The following CUX1 variants were observed in gnomAD, a reference collection of about 807,000 sequenced individuals.
CUX1 encodes protein CASP.
A neutral mutation model predicts 158.8 loss-of-function variants in CUX1; 31 were observed. That is an observed-to-expected ratio of 0.20 (90% confidence interval 0.15 to 0.26). The LOEUF is 0.26. Ranked by LOEUF, CUX1 falls within the 10% of genes least tolerant of loss-of-function variation. CUX1 has a pLI of 1.00. For missense variants in CUX1, 1,589 were observed against 2,014.6 expected (o/e 0.79, Z 4.04); for synonymous variants, 879 against 862.1 (o/e 1.02, Z -0.34).
At chr7:102,232,625 A>C (rs1298031326) in intron 21 of CUX1, among the ~76,000 whole-genome samples, 1 of 152,092 alleles carries the variant, frequency 6.6e-6, no homozygotes, top group Non-Finnish European at 1.5e-5. Context: ...CCAGGTTATC[A>C]CTGATCCTAA....
intron 2 of CUX1, among the ~76,000 whole-genome samples, chr7:101,986,621 C>T (rs1814335265): frequency 6.6e-6 from 1 of 152,184 alleles, no homozygotes; most frequent in Non-Finnish European, 1.5e-5. Flanking sequence ...GAGCCCTTTT[C>T]CCGTGGGCTC....
chr7:102,023,605 C>T (rs1229447562), intron 2 of CUX1, among the ~76,000 whole-genome samples: 3 of 152,176 alleles, frequency 2.0e-5, no homozygotes, highest in Non-Finnish European at 4.4e-5. Context: ...GGACTATAGG[C>T]GTGAGCCGCC....
At chr7:101,953,666 CA>C (rs557352117) in intron 2 of CUX1, among the ~76,000 whole-genome samples, 99 of 152,282 alleles carry the variant, frequency 6.5e-4, no homozygotes, top group Non-Finnish European at 1.2e-3. Flanking sequence ...TGCTTTACCT[CA>C]CGTACCAAAT....
chr7:101,905,473 G>A (rs532156947), intron 1 of CUX1, among the ~76,000 whole-genome samples: 12 of 152,300 alleles, frequency 7.9e-5, no homozygotes, highest in African/African-American at 2.6e-4. Context: ...CTGTTCACCC[G>A]ACAGGCAGTG....
At chr7:102,213,164 G>C (rs1554523620) in intron 20 of CUX1, among the ~76,000 whole-genome samples, 1 of 152,216 alleles carries the variant, frequency 6.6e-6, no homozygotes, top group African/African-American at 2.4e-5. Flanking sequence ...TTTTAAAACA[G>C]AATCTAGTCG....
At chr7:102,191,716 T>G (rs1794296447) in intron 12 of CUX1, among the ~76,000 whole-genome samples, 2 of 151,862 alleles carry the variant, frequency 1.3e-5, no homozygotes, top group East Asian at 1.9e-4. Flanking sequence ...CTTCGTTGTC[T>G]TCTTCTTTCT....
chr7:102,112,577 G>GT (rs113087575), intron 7 of CUX1, among the ~76,000 whole-genome samples: 35 of 146,166 alleles, frequency 2.4e-4, no homozygotes, highest in Middle Eastern at 3.6e-3. Flanking sequence ...TTTTGTTTTT[G>GT]TTTTTTTTTT....
At chr7:101,979,716 G>A (rs1301144614) in intron 2 of CUX1, among the ~76,000 whole-genome samples, 1 of 151,962 alleles carries the variant, frequency 6.6e-6, no homozygotes, top group Non-Finnish European at 1.5e-5. Flanking sequence ...GTAGCACAAT[G>A]TCGGTTCACT....
intron 2 of CUX1, among the ~76,000 whole-genome samples, chr7:101,947,217 G>A (rs1259595275): frequency 6.6e-6 from 1 of 152,046 alleles, no homozygotes; most frequent in Non-Finnish European, 1.5e-5. Context: ...TAGTGAGTGA[G>A]ACCCTGTCTT....
intron 3 of CUX1, among the ~76,000 whole-genome samples, chr7:102,042,355 T>TA (rs1330720615): frequency 6.6e-6 from 1 of 152,212 alleles, no homozygotes; most frequent in Admixed American, 6.5e-5. Flanking sequence ...CATGCACTGC[T>TA]AGTTGTAGGA....
At chr7:101,858,683 T>TTTTTA (rs1314057796) in intron 1 of CUX1, among the ~76,000 whole-genome samples, 1 of 147,124 alleles carries the variant, frequency 6.8e-6, no homozygotes, top group African/African-American at 2.6e-5. Flanking sequence ...TTTTTTTTTT[T>TTTTTA]GAGATGGCGT....
chr7:101,885,039 C>G (rs892596112), intron 1 of CUX1, among the ~76,000 whole-genome samples: 1 of 152,198 alleles, frequency 6.6e-6, no homozygotes, highest in Non-Finnish European at 1.5e-5. Context: ...TCTGTAGTGC[C>G]TATTTCTGTG....
intron 14 of CUX1, chr7:102,273,253 C>CGAG (rs1791357449): frequency 7.0e-7 from 1 of 1,419,018 alleles, no homozygotes; most frequent in African/African-American, 1.4e-5. Flanking sequence ...AGCACTCTCA[C>CGAG]AGCATCCAGG....
At chr7:102,177,531 C>T (rs1262352954) in intron 10 of CUX1, among the ~76,000 whole-genome samples, 1 of 152,114 alleles carries the variant, frequency 6.6e-6, no homozygotes, top group Non-Finnish European at 1.5e-5. Context: ...TGAATCCCAC[C>T]TTGTGGTGGA....
At chr7:102,135,988 A>G (rs1554498638) in intron 8 of CUX1, among the ~76,000 whole-genome samples, 1 of 151,836 alleles carries the variant, frequency 6.6e-6, no homozygotes. Context: ...AAAAAAGAAA[A>G]TGGTTTTTTC....
chr7:102,142,493 T>G (rs1459373360), intron 8 of CUX1, among the ~76,000 whole-genome samples: 1 of 152,162 alleles, frequency 6.6e-6, no homozygotes, highest in Non-Finnish European at 1.5e-5. Context: ...GGTGTGGTAG[T>G]TCACACCTGT....
At chr7:101,847,725 C>G (rs1429253658) in intron 1 of CUX1, among the ~76,000 whole-genome samples, 1 of 151,162 alleles carries the variant, frequency 6.6e-6, no homozygotes, top group Non-Finnish European at 1.5e-5. Flanking sequence ...TCATTTTCTC[C>G]TCAAAATGAG....
intron 2 of CUX1, among the ~76,000 whole-genome samples, chr7:101,929,930 C>G (rs1806100995): frequency 6.6e-6 from 1 of 152,150 alleles, no homozygotes; most frequent in South Asian, 2.1e-4. Context: ...CAACTTCTAC[C>G]TCCCGGGTTC....
chr7:102,121,160 C>A (rs1328379255), intron 8 of CUX1, among the ~76,000 whole-genome samples: 3 of 151,964 alleles, frequency 2.0e-5, no homozygotes, highest in African/African-American at 7.3e-5. Flanking sequence ...TGGATACTTT[C>A]TTTTTATTTT....
Sources: allele counts gnomAD v4.1 joint callset (sites outside exome capture counted in the v4.1 genomes callset), GRCh38; gene constraint gnomAD v4.1.1; transcripts MANE v1.5; gene names NCBI Gene and HGNC (gene_info 2026-07-23, HGNC 2026-07-21).